ANAPC10: variants seen among roughly 807,000 people sequenced by gnomAD.
The protein encoded by ANAPC10 is anaphase-promoting complex subunit 10.
A neutral mutation model predicts 22.0 loss-of-function variants in ANAPC10; 12 were observed. The ratio of observed to expected loss-of-function variants is 0.55; its 90% confidence interval spans 0.35 to 0.88. The LOEUF is 0.88. Among genes scored for constraint, ANAPC10 ranks in the 40% least tolerant of loss-of-function variants. ANAPC10 has a pLI of 0.01. For missense variants in ANAPC10, 188 were observed against 220.9 expected (o/e 0.85, Z 0.94); for synonymous variants, 65 against 69.5 (o/e 0.94, Z 0.32).
intron 4 of ANAPC10, among the ~76,000 whole-genome samples, chr4:144,998,581 C>G (rs1317483234): frequency 1.3e-5 from 2 of 152,098 alleles, no homozygotes; most frequent in Admixed American, 6.6e-5. Context: ...AGAACAAAGA[C>G]ACAACATACC....
At chr4:145,097,539 C>A in intron 1 of ANAPC10, 1 of 1,287,182 alleles carries the variant, frequency 7.8e-7, no homozygotes, top group South Asian at 1.2e-5. Context: ...GTTCTTTAAT[C>A]GGCACACAAG....
At chr4:145,002,476 T>C (rs1732722091) in intron 4 of ANAPC10, among the ~76,000 whole-genome samples, 1 of 152,046 alleles carries the variant, frequency 6.6e-6, no homozygotes. Flanking sequence ...ATCGGAAAAG[T>C]TTCTATACAG....
At chr4:145,055,405 A>G (rs567143154) in intron 4 of ANAPC10, among the ~76,000 whole-genome samples, 4 of 152,084 alleles carry the variant, frequency 2.6e-5, no homozygotes, top group African/African-American at 4.8e-5. Flanking sequence ...TAAAAATACA[A>G]AAGTTAGCCG....
chr4:145,060,100 G>A (rs1395767733), intron 4 of ANAPC10, among the ~76,000 whole-genome samples: 1 of 152,074 alleles, frequency 6.6e-6, no homozygotes, highest in African/African-American at 2.4e-5. Flanking sequence ...ATAGTCTCTT[G>A]TGTAGAAGCA....
intron 4 of ANAPC10, among the ~76,000 whole-genome samples, chr4:145,012,170 G>GTA (rs1284875058): frequency 9.2e-6 from 1 of 108,286 alleles, no homozygotes; most frequent in Non-Finnish European, 1.8e-5. Context: ...GTATATGTGT[G>GTA]TGTGTGTATA....
In ANAPC10 at chr4:145,026,920, C is replaced by CATATATACATATATATATATAT. The variant is rs1203858529; in HGVS notation, c.328-31318_328-31317insATATATATATATATGTATATAT. 4.5e-3 allele frequency among the ~76,000 whole-genome samples: 76 copies of CATATATACATATATATATATAT among 17,030 alleles called. 13 individuals carry two copies. The highest frequency in any genetic ancestry group is 8.9e-3 in the Non-Finnish European group (60 of 6,738). The allele number at this position is 17,030 out of a possible 152,430, so 11.2% of individuals were successfully genotyped here. On this transcript the variant is annotated intron_variant, in intron 4 of 4. Transcript: ENST00000507656. ...CAAATGAAGTTTTTGCCTATACATA[C>CATATATACATATATATATATAT]ATATATATATATATATATATATATA...
chr4:145,055,351 A>G (rs903395096), intron 4 of ANAPC10, among the ~76,000 whole-genome samples: 2 of 152,222 alleles, frequency 1.3e-5, no homozygotes, highest in Non-Finnish European at 2.9e-5. Context: ...TGAGGTCAGG[A>G]GTTCGAGACT....
At chr4:145,031,197 C>A (rs185370157) in intron 4 of ANAPC10, among the ~76,000 whole-genome samples, 118 of 152,274 alleles carry the variant, frequency 7.7e-4, no homozygotes, top group African/African-American at 2.7e-3. Context: ...TTCGAAGAGA[C>A]CTTGATCACT....
At chr4:145,078,281 A>C (rs901645715) in intron 3 of ANAPC10, among the ~76,000 whole-genome samples, 9 of 150,488 alleles carry the variant, frequency 6.0e-5, no homozygotes, top group African/African-American at 9.7e-5. Flanking sequence ...AACAGCCACA[A>C]AAAAAAAAAT....
At chr4:145,032,409 G>A (rs557571697) in intron 4 of ANAPC10, among the ~76,000 whole-genome samples, 151 of 152,314 alleles carry the variant, frequency 9.9e-4, no homozygotes, top group African/African-American at 3.4e-3. Flanking sequence ...TTGGAAAATT[G>A]GTGACCAAGA....
rs1322834599 is a variant in ANAPC10 at position 145,034,495 on chromosome 4, T to C, written c.327+30077A>G. On this transcript the variant is annotated intron_variant, in intron 4 of 4. Transcript: ENST00000507656. ...AGCCTATTGTGGGACCTTGTGATTC[T>C]GTAAGTTAACACTTAACAAACTCTC... 4.9e-5 allele frequency among the ~76,000 whole-genome samples: 7 copies of C among 143,534 alleles called. No homozygotes were observed. The East Asian group carries it at 1.5e-3, about 32-fold the overall frequency. 94.2% of individuals were successfully genotyped at this position (143,534 alleles called of 152,430 possible).
chr4:145,035,365 C>T (rs1472152037), intron 4 of ANAPC10: 2 of 152,254 alleles, frequency 1.3e-5, no homozygotes, highest in African/African-American at 4.8e-5. Context: ...CCCAAACAAG[C>T]TCTCAAGATT....
intron 4 of ANAPC10, among the ~76,000 whole-genome samples, chr4:145,042,080 T>C (rs1377930051): frequency 6.6e-6 from 1 of 152,164 alleles, no homozygotes; most frequent in Non-Finnish European, 1.5e-5. Flanking sequence ...AGTTCCCTAT[T>C]ATCTGGTAAA....
chr4:145,006,597 T>C (rs1733405170), intron 4 of ANAPC10, among the ~76,000 whole-genome samples: 1 of 152,158 alleles, frequency 6.6e-6, no homozygotes, highest in Non-Finnish European at 1.5e-5. Context: ...GGATGAATCA[T>C]ATCAAATTGT....
chr4:145,080,557 T>G (rs1409166557), intron 3 of ANAPC10, among the ~76,000 whole-genome samples: 3 of 152,202 alleles, frequency 2.0e-5, no homozygotes, highest in Admixed American at 6.5e-5. Flanking sequence ...ATTTGCTGAT[T>G]TGTACTCTAG....
At chr4:145,029,995 G>A (rs1324425027) in intron 4 of ANAPC10, among the ~76,000 whole-genome samples, 8 of 152,172 alleles carry the variant, frequency 5.3e-5, no homozygotes, top group Non-Finnish European at 1.2e-4. Context: ...TGAATCCCAA[G>A]GTGGCAGGCG....
intron 4 of ANAPC10, among the ~76,000 whole-genome samples, chr4:145,014,292 T>C (rs1020065080): frequency 3.9e-5 from 6 of 152,056 alleles, no homozygotes; most frequent in African/African-American, 1.5e-4. Context: ...GTGTGGAAGC[T>C]GGGTAAGGCC....
intron 4 of ANAPC10, among the ~76,000 whole-genome samples, chr4:145,038,649 T>C (rs1300366821): frequency 1.3e-5 from 2 of 151,832 alleles, no homozygotes; most frequent in African/African-American, 2.4e-5. Flanking sequence ...GATGCAACCC[T>C]GTCTCTATTA....
At chr4:145,002,292 C>G (rs1251384244) in intron 4 of ANAPC10, among the ~76,000 whole-genome samples, 4 of 152,052 alleles carry the variant, frequency 2.6e-5, no homozygotes, top group African/African-American at 7.2e-5. Context: ...TAAAAGGAAG[C>G]AGCTACCACA....
Sources: gnomAD v4.1 joint callset for allele counts (sites outside exome capture counted in the v4.1 genomes callset) on GRCh38, gnomAD v4.1.1 for gene constraint, MANE v1.5 for transcripts, NCBI Gene and HGNC (gene_info 2026-07-23, HGNC 2026-07-21) for gene names.